Variants in SAMD12 observed in about 807,000 individuals in gnomAD.
The protein encoded by SAMD12 is sterile alpha motif domain containing 12, also known as sterile alpha motif domain-containing protein 12.
SAMD12 carries 9 observed loss-of-function variants against 15.0 expected under a neutral mutation model. The observed-to-expected ratio is 0.60, with a 90% confidence interval of 0.36 to 1.05. The LOEUF is 1.05. SAMD12 is among the 50% of genes least tolerant of loss of function. SAMD12 has a pLI of 0.01. For missense variants in SAMD12, 230 were observed against 234.2 expected (o/e 0.98, Z 0.12); for synonymous variants, 86 against 90.1 (o/e 0.96, Z 0.25).
intron 1 of SAMD12, among the ~76,000 whole-genome samples, chr8:118,599,431 C>T (rs769041591): frequency 3.2e-4 from 49 of 152,158 alleles, no homozygotes; most frequent in Non-Finnish European, 5.7e-4. Context: ...CACATGAGAA[C>T]GCAGTCAACA....
chr8:118,440,881 C>T (rs545215163), intron 2 of SAMD12, among the ~76,000 whole-genome samples: 83 of 152,202 alleles, frequency 5.5e-4, no homozygotes, highest in South Asian at 1.9e-3. Context: ...TAATGCTTCA[C>T]TATCTAGAAT....
chr8:118,366,169 T>A (rs1818758995), intron 4 of SAMD12, among the ~76,000 whole-genome samples: 1 of 152,192 alleles, frequency 6.6e-6, no homozygotes, highest in Non-Finnish European at 1.5e-5. Context: ...ACTTTGGCAA[T>A]TTTATATGTG....
chr8:118,380,646 A>T (rs1819624115), intron 3 of SAMD12, among the ~76,000 whole-genome samples: 1 of 152,208 alleles, frequency 6.6e-6, no homozygotes, highest in African/African-American at 2.4e-5. Context: ...ATTCCTACTC[A>T]TCACATCTGC....
intron 3 of SAMD12, among the ~76,000 whole-genome samples, chr8:118,418,984 A>G (rs1353532085): frequency 6.6e-6 from 1 of 152,164 alleles, no homozygotes; most frequent in Non-Finnish European, 1.5e-5. Flanking sequence ...GGTGATTAAT[A>G]TCTTCCACAT....
chr8:118,495,196 C>G (rs1012913087), intron 2 of SAMD12, among the ~76,000 whole-genome samples: 1 of 152,124 alleles, frequency 6.6e-6, no homozygotes, highest in African/African-American at 2.4e-5. Context: ...GGAAGAGAAG[C>G]AATTGTGTCA....
chr8:118,217,976 G>A (rs111658447), intron 4 of SAMD12, among the ~76,000 whole-genome samples: 6 of 152,210 alleles, frequency 3.9e-5, no homozygotes, highest in African/African-American at 1.4e-4. Flanking sequence ...GCCTCACCAT[G>A]GGCCTCTCTA....
intron 4 of SAMD12, among the ~76,000 whole-genome samples, chr8:118,203,613 T>C (rs1819774812): frequency 6.6e-6 from 1 of 152,096 alleles, no homozygotes; most frequent in Admixed American, 6.6e-5. Context: ...TATTATACTT[T>C]AAGTTCTAGG....
chr8:118,201,546 A>G (rs1819716516), intron 4 of SAMD12, among the ~76,000 whole-genome samples: 1 of 152,180 alleles, frequency 6.6e-6, no homozygotes, highest in Non-Finnish European at 1.5e-5. Flanking sequence ...ATTGTTGTGT[A>G]TTCTCCTAAT....
chr8:118,308,180 C>T (rs961133779), intron 4 of SAMD12, among the ~76,000 whole-genome samples: 1 of 152,176 alleles, frequency 6.6e-6, no homozygotes, highest in Non-Finnish European at 1.5e-5. Context: ...TTCTCCAAAT[C>T]ACTCACTCAT....
At chr8:118,514,920 G>A (rs1385008845) in intron 2 of SAMD12, among the ~76,000 whole-genome samples, 1 of 152,198 alleles carries the variant, frequency 6.6e-6, no homozygotes, top group African/African-American at 2.4e-5. Context: ...GTCCTGGTGG[G>A]AGGTGATTGG....
At chr8:118,234,726 A>G (rs934950166) in intron 4 of SAMD12, among the ~76,000 whole-genome samples, 3 of 151,586 alleles carry the variant, frequency 2.0e-5, no homozygotes, top group East Asian at 1.9e-4. Flanking sequence ...AAAAAAAAAA[A>G]AAAGAAATAC....
the SAMD12 span, among the ~76,000 whole-genome samples, chr8:118,173,928 C>T: frequency 2.6e-4 from 40 of 151,698 alleles, no homozygotes; most frequent in East Asian, 7.2e-3. Flanking sequence ...ACACATCCAG[C>T]CTATATATAT....
intron 4 of SAMD12, among the ~76,000 whole-genome samples, chr8:118,314,767 T>G (rs1035142849): frequency 1.3e-5 from 2 of 152,194 alleles, no homozygotes; most frequent in Non-Finnish European, 2.9e-5. Context: ...ATGGTGTGGA[T>G]GTACCACTGT....
chr8:118,190,624 A>G (rs1203932188), exon 5 of SAMD12: 1 of 152,172 alleles, frequency 6.6e-6, no homozygotes, highest in Non-Finnish European at 1.5e-5. Context: ...CTCTACAGAG[A>G]AAGCCTCAAG....
At chr8:118,382,280 G>A (rs771652868) in intron 3 of SAMD12, among the ~76,000 whole-genome samples, 31 of 152,158 alleles carry the variant, frequency 2.0e-4, no homozygotes, top group Non-Finnish European at 4.3e-4. Flanking sequence ...GCATTTCCTA[G>A]CAAGAGCTGC....
chr8:118,548,221 T>C (rs1319302705), intron 2 of SAMD12, among the ~76,000 whole-genome samples: 3 of 152,218 alleles, frequency 2.0e-5, no homozygotes, highest in Admixed American at 2.0e-4. Flanking sequence ...CTGTAACATA[T>C]AGCAAATATG....
At chr8:118,376,290 C>T (rs892838975), downstream of SAMD12, among the ~76,000 whole-genome samples, 1 of 152,120 alleles carries the variant, frequency 6.6e-6, no homozygotes, top group Non-Finnish European at 1.5e-5. Flanking sequence ...TATGTCTCCT[C>T]AAAATTTATG....
chr8:118,602,095 T>C (rs1483350421), intron 1 of SAMD12, among the ~76,000 whole-genome samples: 2 of 152,164 alleles, frequency 1.3e-5, no homozygotes, highest in Admixed American at 1.3e-4. Flanking sequence ...GGCCCACTTA[T>C]GGTTGTTACC....
chr8:118,274,399 T>A (rs1296423741), intron 4 of SAMD12, among the ~76,000 whole-genome samples: 22 of 152,178 alleles, frequency 1.4e-4, no homozygotes, highest in Admixed American at 1.4e-3. Context: ...GAAGAATGTG[T>A]ATTCCATCCA....
Sources: allele counts gnomAD v4.1 joint callset (sites outside exome capture counted in the v4.1 genomes callset), GRCh38; gene constraint gnomAD v4.1.1; transcripts MANE v1.5; gene names NCBI Gene and HGNC (gene_info 2026-07-23, HGNC 2026-07-21).